ULK4: variants seen among roughly 807,000 people sequenced by gnomAD.
ULK4 encodes the protein inactive serine/threonine-protein kinase ULK4.
ULK4 carries 133 observed loss-of-function variants against 160.6 expected under a neutral mutation model. That is an observed-to-expected ratio of 0.83 (90% confidence interval 0.72 to 0.96). The LOEUF (loss-of-function observed/expected upper bound fraction) is 0.96. Among genes scored for constraint, ULK4 ranks in the 40% least tolerant of loss-of-function variants. The pLI, the probability that ULK4 is intolerant of heterozygous loss-of-function variation, is 0.00. For missense variants in ULK4, 1,580 were observed against 1,499.5 expected, an observed-to-expected ratio of 1.05 and a Z score of -0.89; for synonymous variants, 534 against 539.8, an observed-to-expected ratio of 0.99 and a Z score of 0.15.
intron 2 of ULK4, among the ~76,000 whole-genome samples, chr3:41,939,155 T>C (rs540394274): frequency 5.0e-4 from 63 of 125,996 alleles, no homozygotes; most frequent in South Asian, 1.2e-3. Flanking sequence ...ACATGAGCAA[T>C]GATTACCCTT....
chr3:41,790,636 C>T (rs769077768), intron 20 of ULK4, among the ~76,000 whole-genome samples: 2 of 152,114 alleles, frequency 1.3e-5, no homozygotes, highest in Non-Finnish European at 2.9e-5. Flanking sequence ...GAGAATAGAA[C>T]AAGTATTCAC....
intron 35 of ULK4, among the ~76,000 whole-genome samples, chr3:41,284,137 A>G (rs1208383878): frequency 1.3e-5 from 2 of 152,142 alleles, no homozygotes; most frequent in Non-Finnish European, 2.9e-5. Context: ...CAATGTGTCA[A>G]TTTCACAATA....
At chr3:41,539,987 G>C (rs950697198) in intron 32 of ULK4, among the ~76,000 whole-genome samples, 6 of 151,942 alleles carry the variant, frequency 3.9e-5, no homozygotes, top group Non-Finnish European at 8.8e-5. Context: ...CAAAGTTAGA[G>C]GAGAATATTT....
intron 31 of ULK4, among the ~76,000 whole-genome samples, chr3:41,584,605 T>G (rs1345770564): frequency 1.3e-5 from 2 of 152,114 alleles, no homozygotes; most frequent in African/African-American, 4.8e-5. Flanking sequence ...ACTATTAATA[T>G]GTACATACCA....
chr3:41,746,145 C>T (rs2038410158), intron 22 of ULK4, among the ~76,000 whole-genome samples: 1 of 150,694 alleles, frequency 6.6e-6, no homozygotes, highest in South Asian at 2.1e-4. Context: ...CAACATAGTA[C>T]TGGAAATTCT....
intron 34 of ULK4, among the ~76,000 whole-genome samples, chr3:41,408,037 C>T (rs1334681973): frequency 6.6e-6 from 1 of 151,906 alleles, no homozygotes; most frequent in Admixed American, 6.6e-5. Flanking sequence ...TTTCTATACA[C>T]TAACAATGAA....
intron 32 of ULK4, among the ~76,000 whole-genome samples, chr3:41,491,772 G>A (rs1292399171): frequency 7.7e-6 from 1 of 129,888 alleles, no homozygotes; most frequent in African/African-American, 2.9e-5. Context: ...GGGTACATGT[G>A]CACAATGTGC....
At chr3:41,385,808 T>C (rs1348779427) in intron 35 of ULK4, among the ~76,000 whole-genome samples, 1 of 152,172 alleles carries the variant, frequency 6.6e-6, no homozygotes, top group Non-Finnish European at 1.5e-5. Context: ...GGTTGTGTCT[T>C]GTCTATGGCA....
At chr3:41,603,276 T>C (rs1005296663) in intron 31 of ULK4, among the ~76,000 whole-genome samples, 1 of 152,042 alleles carries the variant, frequency 6.6e-6, no homozygotes, top group African/African-American at 2.4e-5. Flanking sequence ...TTTGATTCCA[T>C]TCACCAAGAA....
intron 19 of ULK4, among the ~76,000 whole-genome samples, chr3:41,810,569 C>T (rs1385054123): frequency 1.3e-5 from 2 of 152,184 alleles, no homozygotes; most frequent in Admixed American, 1.3e-4. Context: ...AATCCCAGCA[C>T]TTTGGGAGAC....
At chr3:41,663,740 A>C in intron 29 of ULK4, 41 bp from the exon 30 acceptor site, 1 of 1,522,432 alleles carries the variant, frequency 6.6e-7, no homozygotes, top group Non-Finnish European at 9.1e-7. Flanking sequence ...CAGTAGGAAA[A>C]ATTATGTCCA....
chr3:41,733,065 T>C (rs1281194782), intron 22 of ULK4, among the ~76,000 whole-genome samples: 1 of 152,146 alleles, frequency 6.6e-6, no homozygotes, highest in East Asian at 1.9e-4. Context: ...TACAATATTG[T>C]ATTATATATT....
chr3:41,373,750 T>C (rs890582474), intron 35 of ULK4, among the ~76,000 whole-genome samples: 15 of 151,926 alleles, frequency 9.9e-5, no homozygotes, highest in Admixed American at 3.9e-4. Context: ...AGCAAACAAA[T>C]TCAAAAGCTA....
Position 41,706,849 on chromosome 3 carries a change from ATGTGTGTGTGTGTGTG to A in ULK4, c.2635-1560_2635-1545del, listed in dbSNP as rs749756575. 1.3e-3 allele frequency among the ~76,000 whole-genome samples: 138 copies of A among 102,380 alleles called. 3 individuals carry two copies. The highest frequency in any genetic ancestry group is 2.9e-3 in the East Asian group (11 of 3,738). The allele number at this position is 102,380 out of a possible 152,430, so 67.2% of individuals were successfully genotyped here. ...TCTCAAAAAAAAAAAAAAAAAAAAT[ATGTGTGTGTGTGTGTG>A]TGTGTGTGTGTGTGTGTGTGTGTGT... On this transcript the variant is annotated intron_variant, in intron 25 of 36. Transcript: ENST00000301831.
chr3:41,661,460 CAT>C (rs10684451), intron 30 of ULK4, among the ~76,000 whole-genome samples: 3 of 151,006 alleles, frequency 2.0e-5, no homozygotes, highest in Non-Finnish European at 4.4e-5. Context: ...TACATACACA[CAT>C]ATATATACAT....
intron 34 of ULK4, among the ~76,000 whole-genome samples, chr3:41,407,996 G>A (rs1352897798): frequency 2.6e-5 from 4 of 152,090 alleles, no homozygotes; most frequent in African/African-American, 4.8e-5. Flanking sequence ...AGGTTGCAGG[G>A]TATGAGATCG....
intron 35 of ULK4, among the ~76,000 whole-genome samples, chr3:41,289,323 A>G (rs1488016691): frequency 1.3e-5 from 2 of 152,298 alleles, no homozygotes; most frequent in East Asian, 3.9e-4. Context: ...GAGAGGACAC[A>G]GTGCACCGAA....
intron 32 of ULK4, among the ~76,000 whole-genome samples, chr3:41,509,183 G>C (rs554261972): frequency 3.3e-5 from 5 of 152,104 alleles, no homozygotes; most frequent in African/African-American, 1.2e-4. Flanking sequence ...AAATGCACTG[G>C]AAAGTCTCAG....
chr3:41,875,011 T>C (rs559643997), intron 17 of ULK4, among the ~76,000 whole-genome samples: 1 of 151,880 alleles, frequency 6.6e-6, no homozygotes, highest in African/African-American at 2.4e-5. Context: ...CCATCTCTAC[T>C]AAAAGTAAAA....
Sources: allele counts gnomAD v4.1 joint callset (sites outside exome capture counted in the v4.1 genomes callset), GRCh38; gene constraint gnomAD v4.1.1; transcripts MANE v1.5; gene names NCBI Gene and HGNC (gene_info 2026-07-23, HGNC 2026-07-21).